POFUT2: variants seen among roughly 807,000 people sequenced by gnomAD.
POFUT2 encodes GDP-fucose protein O-fucosyltransferase 2.
A neutral mutation model predicts 55.0 loss-of-function variants in POFUT2; 30 were observed. The ratio of observed to expected loss-of-function variants is 0.55; its 90% confidence interval spans 0.41 to 0.74. POFUT2 has a LOEUF of 0.74. Ranked by LOEUF, POFUT2 falls within the 30% of genes least tolerant of loss-of-function variation. POFUT2 has a pLI of 0.00. For missense variants in POFUT2, 524 were observed against 562.6 expected, an observed-to-expected ratio of 0.93 and a Z score of 0.69; for synonymous variants, 267 against 231.1, an observed-to-expected ratio of 1.16 and a Z score of -1.41.
Position 45,277,730 on chromosome 21 carries a change from C to T in POFUT2, c.705+373G>A, listed in dbSNP as rs527493671. On this transcript the variant is annotated intron_variant, in intron 5 of 8. Transcript: ENST00000349485. The surrounding 1 kb of genome is among the most constrained non-coding windows in gnomAD (Gnocchi z 6.9). ...ACCCCATCAATGCGGAAATCAACGC[C>T]AACGGAAAAGACCCGCTGCAGAGAA... The T allele has an allele frequency of 2.6e-3, 685 of 258,562 alleles. 4 individuals carry two copies. Among genetic ancestry groups the T allele is most frequent in the African/African-American group, 0.014 (605 of 44,558 alleles). The allele number at this position is 258,562 out of a possible 1,614,324, so 16.0% of individuals were successfully genotyped here.
chr21:45,265,458 G>C lies in POFUT2; in HGVS notation c.*24C>G. 1.9e-6 allele frequency: 3 copies of C among 1,589,516 alleles called. No individual in the cohort carries two copies. In the South Asian group the frequency reaches 3.4e-5, roughly 18 times the overall value. ...CATCCACCCGCGCCTGTCGGGTCCGGGGAGCGGCCCTGGAGGATCCTCCTC... is the reference window on the plus strand; with the variant it reads ...CATCCACCCGCGCCTGTCGGGTCCGCGGAGCGGCCCTGGAGGATCCTCCTC... On this transcript the variant is annotated 3_prime_UTR_variant, in exon 9 of 9. Transcript: ENST00000349485. This position sits in a 1 kb window ranked among gnomAD's most constrained non-coding sequence, Gnocchi z 4.6.
rs567554154 is a variant in POFUT2 at position 45,285,381 on chromosome 21, C to A, written c.382+297G>T. 7.2e-5 allele frequency: 30 copies of A among 418,470 alleles called. No homozygotes were observed. The East Asian group carries it at 1.6e-3, about 22-fold the overall frequency. 25.9% of individuals were successfully genotyped at this position (418,470 alleles called of 1,614,324 possible). A position where few individuals can be genotyped will look rare whatever the true frequency, so the allele number is the denominator to read the frequency against. The stretch of plus-strand genomic sequence containing the variant: ...GGAGCCGAGTCCTGTCACTATAACA[C>A]CCAGGGGTGGCCGCTTTCTTAGGGT... On this transcript the variant is annotated intron_variant, in intron 2 of 8. Coordinates refer to ENST00000349485, the MANE Select transcript of POFUT2 (RefSeq NM_133635.6). This position sits in a 1 kb window ranked among gnomAD's most constrained non-coding sequence, Gnocchi z 4.9.
rs2030872532 is a variant in POFUT2, at chr21:45,282,944, G to A, written c.527+439C>T. 6.3e-6 allele frequency: 3 copies of A among 472,882 alleles called. No individual in the cohort carries two copies. Among genetic ancestry groups the A allele is most frequent in the Non-Finnish European group, 8.8e-6 (2 of 228,528 alleles). 29.3% of individuals were successfully genotyped at this position (472,882 alleles called of 1,614,324 possible). A position where few individuals can be genotyped will look rare whatever the true frequency, so the allele number is the denominator to read the frequency against. ...GACTGACAAGACCTCCATCCCTGTGGCAACATCCAAATGCATGAAAAGACA... is the reference window on the plus strand; with the variant it reads ...GACTGACAAGACCTCCATCCCTGTGACAACATCCAAATGCATGAAAAGACA... On this transcript the variant is annotated intron_variant, in intron 3 of 8. Transcript: ENST00000349485. The surrounding 1 kb of genome is among the most constrained non-coding windows in gnomAD (Gnocchi z 4.6).
At chr21:45,276,554 A>G (rs1439004462) in intron 6 of POFUT2, among the ~76,000 whole-genome samples, 1 of 152,278 alleles carries the variant, frequency 6.6e-6, no homozygotes, top group African/African-American at 2.4e-5. Context: ...ACACTTAAAA[A>G]TATATACAAA....
Position 45,285,626 on chromosome 21 carries a change from G to A in POFUT2, c.382+52C>T, listed in dbSNP as rs1362099072. The stretch of plus-strand genomic sequence containing the variant: ...CCTGATGTCTACCTTAGAAATGACT[G>A]CCTGGCCCCAGTTAAGCAACCACGG... On this transcript the variant is annotated intron_variant, in intron 2 of 8. Coordinates refer to ENST00000349485, the MANE Select transcript of POFUT2 (RefSeq NM_133635.6). This position sits in a 1 kb window ranked among gnomAD's most constrained non-coding sequence, Gnocchi z 4.9. 1 of 1,610,118 alleles carries A rather than the reference G, an allele frequency of 6.2e-7. No homozygotes were observed. The highest frequency in any genetic ancestry group is 8.5e-7 in the Non-Finnish European group (1 of 1,178,856).
rs193018943 is a variant in POFUT2, at chr21:45,282,533, C to T, written c.528-74G>A. The T allele has an allele frequency of 2.0e-5, 17 of 847,270 alleles. No individual in the cohort carries two copies. Among genetic ancestry groups the T allele is most frequent in the Admixed American group, 9.9e-5 (5 of 50,302 alleles). The allele number at this position is 847,270 out of a possible 1,614,324, so 52.5% of individuals were successfully genotyped here. A position where few individuals can be genotyped will look rare whatever the true frequency, so the allele number is the denominator to read the frequency against. Reference sequence around the variant, plus strand: ...AAGGAAAACAAATCAAGTCTAGACACGCACACACTGTGGCTTGCTCCTGAT... The same window carrying T: ...AAGGAAAACAAATCAAGTCTAGACATGCACACACTGTGGCTTGCTCCTGAT... On this transcript the variant is annotated intron_variant, in intron 3 of 8. Transcript: ENST00000349485. This position sits in a 1 kb window ranked among gnomAD's most constrained non-coding sequence, Gnocchi z 4.6.
intron 7 of POFUT2, among the ~76,000 whole-genome samples, chr21:45,268,752 A>G (rs2093183825): frequency 7.2e-6 from 1 of 139,518 alleles, no homozygotes. Flanking sequence ...CCCGGCAGCC[A>G]CCCCATCTGG....
rs762488021 is a variant in POFUT2 at position 45,270,002 on chromosome 21, C to A, written c.849G>T (p.Ala283=). ...GGACTCCCAGGTAGGGGCCCCCTAG[C>A]GCGGAGCCCAGCTTGACCTAGCAAA... The part of the protein sequence containing the change: ...WMKMKVKLGS[A]LGGPYLGVHL... Residue 283 remains alanine, a synonymous_variant, in exon 7 of 9, where the codon GCG becomes GCT. Coordinates refer to ENST00000349485, the MANE Select transcript of POFUT2 (RefSeq NM_133635.6). This position sits in a 1 kb window ranked among gnomAD's most constrained non-coding sequence, Gnocchi z 4.6. The A allele has an allele frequency of 2.0e-5, 31 of 1,557,974 alleles. No homozygotes were observed. The highest frequency in any genetic ancestry group is 2.5e-5 in the Non-Finnish European group (29 of 1,157,974).
chr21:45,270,100 G>T lies in POFUT2; in HGVS notation c.832-81C>A. 8.6e-7 allele frequency: 1 copy of T among 1,160,758 alleles called. No homozygotes were observed. The highest frequency in any genetic ancestry group is 1.2e-6 in the Non-Finnish European group (1 of 855,902). 71.9% of individuals were successfully genotyped at this position (1,160,758 alleles called of 1,614,324 possible). The stretch of plus-strand genomic sequence containing the variant: ...CTGGGCACCGGGTGGGACTCGAGAC[G>T]CAGAGGGATGACCCTTTCCATGTGG... On this transcript the variant is annotated intron_variant, in intron 6 of 8. Transcript: ENST00000349485. The surrounding 1 kb of genome is among the most constrained non-coding windows in gnomAD (Gnocchi z 4.6).
rs578040227 is a variant in POFUT2 at position 45,270,637 on chromosome 21, C to A, written c.832-618G>T. On this transcript the variant is annotated intron_variant, in intron 6 of 8. Coordinates refer to ENST00000349485, the MANE Select transcript of POFUT2 (RefSeq NM_133635.6). This position sits in a 1 kb window ranked among gnomAD's most constrained non-coding sequence, Gnocchi z 4.6. ...ACAAAACTACAACCAAGGACCCCCCCAGAGTCCACTTCACTCCCCCGCCAC... is the reference window on the plus strand; with the variant it reads ...ACAAAACTACAACCAAGGACCCCCCAAGAGTCCACTTCACTCCCCCGCCAC... Among the ~76,000 whole-genome samples, 1 of 152,236 alleles carries A rather than the reference C, an allele frequency of 6.6e-6. No individual in the cohort carries two copies. Among genetic ancestry groups the A allele is most frequent in the Admixed American group, 6.5e-5 (1 of 15,292 alleles).
chr21:45,267,662 G>A lies in POFUT2; in HGVS notation c.1064C>T (p.Thr355Met), dbSNP rs773028332. ...CTTGTAGAGCTCCAGCTCCTCCCAC[G>A]TGGGTTCAAACCTCACCATCTCGGG... ...LLPEMVRFEPTWEELELYKDG... is the reference protein window; with the variant it reads ...LLPEMVRFEPMWEELELYKDG... The change falls in exon 8 of 9, where the codon ACG becomes ATG. Residue 355 changes from threonine to methionine, a missense_variant. Physicochemically the swap from Thr to Met is moderately conservative, Grantham distance 81. Around this residue, in one of 2 missense-constraint regions of POFUT2, gnomAD observed 250 missense variants for 318.2 expected, o/e 0.79. Coordinates refer to ENST00000349485, the MANE Select transcript of POFUT2 (RefSeq NM_133635.6). The surrounding 1 kb of genome is among the most constrained non-coding windows in gnomAD (Gnocchi z 4.4). 2.8e-5 allele frequency: 45 copies of A among 1,614,036 alleles called. No homozygotes were observed. The highest frequency in any genetic ancestry group is 1.8e-4 in the South Asian group (16 of 91,092).
Position 45,281,523 on chromosome 21 carries a change from G to A in POFUT2, c.638+826C>T, listed in dbSNP as rs35424628. ...AGAGCAGCTGAGACCATGTGGTCCC[G>A]GCCCGCTGGGGCCAGCGGCAGCTGT... On this transcript the variant is annotated intron_variant, in intron 4 of 8. Transcript: ENST00000349485. The surrounding 1 kb of genome is among the most constrained non-coding windows in gnomAD (Gnocchi z 5.0). 0.056 allele frequency among the ~76,000 whole-genome samples: 8,500 copies of A among 152,192 alleles called. 293 individuals carry two copies. Among genetic ancestry groups the A allele is most frequent in the Middle Eastern group, 0.16 (47 of 294 alleles).
rs141027105 is a variant in POFUT2, at chr21:45,278,125, T to C, written c.683A>G (p.Tyr228Cys). 6.8e-6 allele frequency: 11 copies of C among 1,613,702 alleles called. No individual in the cohort carries two copies. In the Admixed American group the frequency reaches 8.3e-5, roughly 12 times the overall value. Residue 228 changes from tyrosine (Y) to cysteine (C), a missense_variant, in exon 5 of 9, where the codon TAT becomes TGT. Tyr to Cys is a radical substitution (Grantham distance 194). This residue lies in a region of POFUT2 where 250 missense variants were observed against 318.2 expected (regional missense o/e 0.79). Transcript: ENST00000349485. ...DRAENLLHDH[Y>C]GGKEYWDTRR... ...CACATCCCAGTATTCTTTCCCTCCA[T>C]AGTGGTCGTGAAGTAGGTTCTCGGC...
intron 1 of POFUT2, 65 bp downstream of exon 1, chr21:45,287,676 C>CCAACCCACCCCAG: frequency 8.5e-7 from 1 of 1,181,536 alleles, no homozygotes; most frequent in Non-Finnish European, 1.1e-6. Flanking sequence ...GCCCCGCCCC[C>CCAACCCACCCCAG]ATCCCATCCT....
rs1167864004 is a variant in POFUT2, at chr21:45,285,907, G to T, written c.153C>A (p.Asn51Lys). 13 of 1,609,712 alleles carry T rather than the reference G, an allele frequency of 8.1e-6. No homozygotes were observed. The East Asian group carries it at 2.0e-4, about 25-fold the overall frequency. The change falls in exon 2 of 9, where the codon AAC (asparagine) becomes AAA (lysine). Residue 51 changes from asparagine to lysine, a missense_variant. Asn to Lys is a moderately conservative substitution (Grantham distance 94). Transcript: ENST00000349485. This position sits in a 1 kb window ranked among gnomAD's most constrained non-coding sequence, Gnocchi z 4.9. ...SRRRYLLYDVNPPEGFNLRRD... is the reference protein window; with the variant it reads ...SRRRYLLYDVKPPEGFNLRRD... Reference sequence around the variant, plus strand: ...TGCGCAGGTTGAAGCCTTCCGGGGGGTTGACGTCATACAGAAGATACCTGA... The same window carrying T: ...TGCGCAGGTTGAAGCCTTCCGGGGGTTTGACGTCATACAGAAGATACCTGA...
rs1238803296 is a variant in POFUT2 at position 45,284,438 on chromosome 21, T to C, written c.383-911A>G. ...CATCAGGAGCTCACCGTGTGCAGTC[T>C]CTTGGCAGCCTCGCCCTAGGACAGG... On this transcript the variant is annotated intron_variant, in intron 2 of 8. Transcript: ENST00000349485. This position sits in a 1 kb window ranked among gnomAD's most constrained non-coding sequence, Gnocchi z 5.8. Among the ~76,000 whole-genome samples, 1 of 152,302 alleles carries C rather than the reference T, an allele frequency of 6.6e-6. No individual in the cohort carries two copies. The highest frequency in any genetic ancestry group is 1.9e-4 in the East Asian group (1 of 5,174).
rs1030702234 is a variant in POFUT2, at chr21:45,270,849, C to T, written c.832-830G>A. On this transcript the variant is annotated intron_variant, in intron 6 of 8. Transcript: ENST00000349485. This position sits in a 1 kb window ranked among gnomAD's most constrained non-coding sequence, Gnocchi z 4.6. ...AGGGAGCCCCATCCCTAGGGGAAGGCGAAGAGCGCCACAGAGCACCCCGTG... is the reference window on the plus strand; with the variant it reads ...AGGGAGCCCCATCCCTAGGGGAAGGTGAAGAGCGCCACAGAGCACCCCGTG... Among the ~76,000 whole-genome samples the T allele has an allele frequency of 2.0e-5, 3 of 152,210 alleles. No homozygotes were observed. The highest frequency in any genetic ancestry group is 6.5e-5 in the Admixed American group (1 of 15,288).
chr21:45,283,810 G>C (rs529794856), intron 2 of POFUT2, among the ~76,000 whole-genome samples: 1 of 152,120 alleles, frequency 6.6e-6, no homozygotes, highest in Non-Finnish European at 1.5e-5. Context: ...ACAGGGGCCC[G>C]TGTGAGCCCA....
chr21:45,267,547 G>T lies in POFUT2; in HGVS notation c.1136+43C>A. 1 of 1,614,154 alleles carries T rather than the reference G, an allele frequency of 6.2e-7. No individual in the cohort carries two copies. The highest frequency in any genetic ancestry group is 8.5e-7 in the Non-Finnish European group (1 of 1,180,038). ...ACTTGGGACAGAAGAACCTTTGAAA[G>T]CCACCCGACCCGCTCTCGGCCGACA... On this transcript the variant is annotated intron_variant, in intron 8 of 8. Coordinates refer to ENST00000349485, the MANE Select transcript of POFUT2 (RefSeq NM_133635.6). The surrounding 1 kb of genome is among the most constrained non-coding windows in gnomAD (Gnocchi z 4.4).
Sources: gnomAD v4.1 joint callset for allele counts (sites outside exome capture counted in the v4.1 genomes callset) on GRCh38, gnomAD v4.1.1 for gene constraint, gnomAD v4.1.1 regional missense constraint, Gnocchi (gnomAD v3.1) non-coding constraint, MANE v1.5 for transcripts, NCBI Gene and HGNC (gene_info 2026-07-23, HGNC 2026-07-21) for gene names.